TTLL5: variants seen among roughly 807,000 people sequenced by gnomAD.
The protein encoded by TTLL5 is tubulin tyrosine ligase like 5.
TTLL5 carries 132 observed loss-of-function variants against 168.4 expected under a neutral mutation model. The observed-to-expected ratio is 0.78, with a 90% CI of 0.68 to 0.91. The LOEUF (loss-of-function observed/expected upper bound fraction) is 0.91. Among genes scored for constraint, TTLL5 ranks in the 40% least tolerant of loss-of-function variants. TTLL5 has a pLI of 0.00. For synonymous variants in TTLL5, 546 were observed against 558.6 expected (o/e 0.98, Z 0.32); for missense variants, 1,545 against 1,581.5 (o/e 0.98, Z 0.39).
In TTLL5 at chr14:75,882,705, A is replaced by G. The variant is rs148843544; in HGVS notation, c.3543A>G (p.Thr1181=). Residue 1181 remains threonine, a synonymous_variant, in exon 30 of 32, where the codon ACA becomes ACG. Transcript: ENST00000298832. The part of the protein sequence containing the change: ...ARHQAIFGSQ[T]LPNSNLWTMN... ...TGTAGGCAATCTTTGGCAGCCAGAC[A>G]CTACCTAACTCCAATTTATGGACAA... The G allele has an allele frequency of 1.2e-6, 2 of 1,611,116 alleles. No individual in the cohort carries two copies. The highest frequency in any genetic ancestry group is 1.7e-5 in the Admixed American group (1 of 59,752).
chr14:75,923,617 G>A (rs2033903513), intron 31 of TTLL5, among the ~76,000 whole-genome samples: 1 of 152,172 alleles, frequency 6.6e-6, no homozygotes, highest in Non-Finnish European at 1.5e-5. Context: ...GCTGAGGAGT[G>A]CTTTACTTCC....
At chr14:75,773,814 T>C (rs781007945) in intron 21 of TTLL5, among the ~76,000 whole-genome samples, 22 of 148,034 alleles carry the variant, frequency 1.5e-4, no homozygotes, top group South Asian at 1.1e-3. Flanking sequence ...TGCTTGAACC[T>C]GGCAGGCGGA....
rs754949470 is a variant in TTLL5 at position 75,779,558 on chromosome 14, T to A, written c.2388-17T>A. On this transcript the variant is annotated splice_polypyrimidine_tract_variant and intron_variant, in intron 23 of 31. Coordinates refer to ENST00000298832, the MANE Select transcript of TTLL5 (RefSeq NM_015072.5). ...GAATAGCTTCCTGTCTGACCATACT[T>A]TTTCTCCTCATTTCAGTGAGGCTGA... is the stretch of plus-strand genomic sequence containing the variant. 1.9e-6 allele frequency: 3 copies of A among 1,610,346 alleles called. No individual in the cohort carries two copies. Among genetic ancestry groups the A allele is most frequent in the Non-Finnish European group, 2.5e-6 (3 of 1,178,896 alleles).
intron 30 of TTLL5, among the ~76,000 whole-genome samples, chr14:75,887,746 A>G (rs950831846): frequency 6.6e-6 from 1 of 152,242 alleles, no homozygotes; most frequent in African/African-American, 2.4e-5. Context: ...CAAATGGCAG[A>G]TCAATTATCC....
intron 21 of TTLL5, among the ~76,000 whole-genome samples, chr14:75,773,078 C>A (rs925723788): frequency 1.3e-5 from 2 of 152,102 alleles, no homozygotes; most frequent in Non-Finnish European, 2.9e-5. Flanking sequence ...AATTTTTAGT[C>A]CTCCACATAC....
At chr14:75,784,026 T>C (rs1012126964) in intron 26 of TTLL5, among the ~76,000 whole-genome samples, 1 of 152,250 alleles carries the variant, frequency 6.6e-6, no homozygotes, top group African/African-American at 2.4e-5. Flanking sequence ...AGATATAATT[T>C]ACATTCTATC....
At position 75,661,338 on chromosome 14, in the gene TTLL5, C is replaced by T. The variant is rs1163228090; in HGVS notation, c.-145C>T. 1.3e-5 allele frequency: 2 copies of T among 152,254 alleles called. No individual in the cohort carries two copies. Among genetic ancestry groups the T allele is most frequent in the East Asian group, 1.9e-4 (1 of 5,182 alleles). The allele number at this position is 152,254 out of a possible 1,614,324, so 9.4% of individuals were successfully genotyped here. On this transcript the variant is annotated 5_prime_UTR_variant, in exon 1 of 32. Coordinates refer to ENST00000298832, the MANE Select transcript of TTLL5 (RefSeq NM_015072.5). ...TGGGGAAGGAGGAGGGAGGTAGGCG[C>T]AGAGCGCGGTCCACGCCTGCTCGCC...
intron 28 of TTLL5, among the ~76,000 whole-genome samples, chr14:75,848,035 A>G (rs1182357375): frequency 1.3e-5 from 2 of 150,340 alleles, no homozygotes; most frequent in Non-Finnish European, 1.5e-5. Context: ...AAATATCTTT[A>G]TAAAGAAAGA....
chr14:75,690,429 T>C, intron 6 of TTLL5, 107 bp downstream of exon 6: 1 of 1,363,206 alleles, frequency 7.3e-7, no homozygotes, highest in Non-Finnish European at 9.8e-7. Context: ...TCCAAATCCT[T>C]AGACAACTGT....
intron 31 of TTLL5, among the ~76,000 whole-genome samples, chr14:75,903,202 A>G (rs1343995136): frequency 1.3e-5 from 2 of 152,162 alleles, no homozygotes; most frequent in East Asian, 1.9e-4. Flanking sequence ...AGTGGGGCAT[A>G]TTTGAACCTA....
chr14:75,749,294 A>G (rs1889801923), intron 17 of TTLL5, among the ~76,000 whole-genome samples: 1 of 152,210 alleles, frequency 6.6e-6, no homozygotes, highest in Non-Finnish European at 1.5e-5. Context: ...GGAATCAATT[A>G]CAAATAATCT....
chr14:75,843,877 G>GTTTTGTTTTA (rs1208784264), intron 28 of TTLL5, among the ~76,000 whole-genome samples: 4,894 of 130,586 alleles, frequency 0.037, 140 homozygotes, highest in African/African-American at 0.067. Context: ...GTTTTGTTTT[G>GTTTTGTTTTA]TTTTATTTTA....
chr14:75,944,560 T>C (rs554869162), intron 31 of TTLL5, among the ~76,000 whole-genome samples: 2 of 152,248 alleles, frequency 1.3e-5, no homozygotes, highest in Admixed American at 1.3e-4. Flanking sequence ...TCATCCATTT[T>C]CCCCAAAGAA....
intron 30 of TTLL5, among the ~76,000 whole-genome samples, chr14:75,897,395 A>C (rs1311237559): frequency 6.6e-6 from 1 of 152,206 alleles, no homozygotes; most frequent in Non-Finnish European, 1.5e-5. Context: ...CATGTGTCTT[A>C]TTATAGTTTT....
intron 31 of TTLL5, among the ~76,000 whole-genome samples, chr14:75,927,826 G>T (rs1338978509): frequency 1.3e-5 from 2 of 152,202 alleles, no homozygotes. Flanking sequence ...CTTGACTATA[G>T]TTTCACAGCC....
chr14:75,782,590 C>A lies in TTLL5; in HGVS notation c.2602+17C>A, dbSNP rs1227217463. The A allele has an allele frequency of 1.2e-6, 2 of 1,603,330 alleles. No individual in the cohort carries two copies. The highest frequency in any genetic ancestry group is 1.1e-5 in the South Asian group (1 of 90,074). On this transcript the variant is annotated intron_variant, in intron 25 of 31. Coordinates refer to ENST00000298832, the MANE Select transcript of TTLL5 (RefSeq NM_015072.5). ...AATTATCTCGTGAGTGATTTCAAAC[C>A]TACCTAGATTTGCTGCTCTCTGATA...
chr14:75,925,857 C>T (rs1443777898), intron 31 of TTLL5, among the ~76,000 whole-genome samples: 1 of 151,952 alleles, frequency 6.6e-6, no homozygotes, highest in Non-Finnish European at 1.5e-5. Context: ...GAGACCAGCC[C>T]GGCCAACACA....
chr14:75,884,769 C>T (rs2032012355), intron 30 of TTLL5, among the ~76,000 whole-genome samples: 1 of 151,988 alleles, frequency 6.6e-6, no homozygotes, highest in African/African-American at 2.4e-5. Context: ...TTTGGGGACC[C>T]CAGTGTTTTC....
intron 18 of TTLL5, among the ~76,000 whole-genome samples, chr14:75,757,209 C>G (rs1890325918): frequency 6.6e-6 from 1 of 152,180 alleles, no homozygotes; most frequent in South Asian, 2.1e-4. Flanking sequence ...ACCTCCTGAG[C>G]TCAGGCAATC....
Sources: allele counts gnomAD v4.1 joint callset (sites outside exome capture counted in the v4.1 genomes callset), GRCh38; gene constraint gnomAD v4.1.1; transcripts MANE v1.5; gene names NCBI Gene and HGNC (gene_info 2026-07-23, HGNC 2026-07-21).